The following CRISP2 variants were observed in gnomAD, a reference collection of about 807,000 sequenced individuals.
CRISP2 encodes cysteine-rich secretory protein 2.
Under a neutral mutation model 31.7 loss-of-function variants are expected in CRISP2, and 29 were observed. The ratio of observed to expected loss-of-function variants is 0.92; its 90% CI spans 0.68 to 1.25. CRISP2 has a LOEUF of 1.25. CRISP2 is among the 50% of genes most tolerant of loss of function. CRISP2 has a pLI of 0.00. For missense variants in CRISP2, 318 were observed against 286.5 expected (o/e 1.11, Z -0.79); for synonymous variants, 111 against 101.4 (o/e 1.09, Z -0.57).
intron 7 of CRISP2, 125 bp downstream of exon 7, chr6:49,698,237 G>T (rs1035491385): frequency 1.9e-5 from 22 of 1,135,270 alleles, no homozygotes; most frequent in Non-Finnish European, 2.6e-5. Flanking sequence ...ACAGCCAAAT[G>T]CCAAGACTGT....
intron 9 of CRISP2, among the ~76,000 whole-genome samples, chr6:49,695,503 C>T (rs72860795): frequency 0.043 from 6,603 of 152,174 alleles, 166 homozygotes; most frequent in Non-Finnish European, 0.059. Flanking sequence ...CTTTAAAATA[C>T]CACTTTTGGT....
intron 4 of CRISP2, among the ~76,000 whole-genome samples, chr6:49,705,692 C>T (rs1766901143): frequency 6.6e-6 from 1 of 152,220 alleles, no homozygotes; most frequent in Non-Finnish European, 1.5e-5. Context: ...TCTGTGGGAA[C>T]TGGGAGTGCC....
the CRISP2 span, among the ~76,000 whole-genome samples, chr6:49,681,436 T>C: frequency 1.3e-5 from 2 of 152,076 alleles, no homozygotes; most frequent in African/African-American, 2.4e-5. Flanking sequence ...AAGCATTTTT[T>C]CAACTAGATT....
intron 4 of CRISP2, among the ~76,000 whole-genome samples, chr6:49,707,076 C>T (rs1331828033): frequency 6.6e-6 from 1 of 152,094 alleles, no homozygotes; most frequent in East Asian, 1.9e-4. Flanking sequence ...TTTCCTGCTT[C>T]TTACACCTTT....
chr6:49,683,512 A>T, the CRISP2 span, among the ~76,000 whole-genome samples: 2 of 149,192 alleles, frequency 1.3e-5, no homozygotes, highest in Admixed American at 1.3e-4. Flanking sequence ...AAAAATACAA[A>T]AATTAGCCGG....
chr6:49,685,271 G>T, the CRISP2 span, among the ~76,000 whole-genome samples: 666 of 152,248 alleles, frequency 4.4e-3, 10 homozygotes, highest in African/African-American at 0.015. Flanking sequence ...TCCGCCCTTT[G>T]GTGTTACACT....
At chr6:49,697,797 G>A (rs550379471) in intron 8 of CRISP2, 63 bp downstream of exon 8, 2 of 1,603,580 alleles carry the variant, frequency 1.2e-6, no homozygotes, top group African/African-American at 2.7e-5. Flanking sequence ...TAAGATATGA[G>A]AATTATTAAA....
chr6:49,677,755 G>A, the CRISP2 span, among the ~76,000 whole-genome samples: 15 of 152,176 alleles, frequency 9.9e-5, no homozygotes, highest in African/African-American at 2.6e-4. Flanking sequence ...CACACAGCAA[G>A]CTTAATAATG....
At position 49,700,705 on chromosome 6, in the gene CRISP2, T is replaced by C; in HGVS notation, c.146A>G (p.Lys49Arg). Reference protein sequence around the residue: ...EIVNKHNELRKAVSPPASNML... With the variant: ...EIVNKHNELRRAVSPPASNML... ...GTTACTGGCAGGTGGAGAGACTGCTTTCCTTAGTTCATTGTGTTTATTTAC... is the reference window on the plus strand; with the variant it reads ...GTTACTGGCAGGTGGAGAGACTGCTCTCCTTAGTTCATTGTGTTTATTTAC... The change falls in exon 5 of 10, where the codon AAA becomes AGA. Residue 49 changes from lysine to arginine, a missense_variant. By Grantham distance (26) the Lys-to-Arg change is conservative. Coordinates refer to ENST00000339139, the MANE Select transcript of CRISP2 (RefSeq NM_003296.4). 1 of 1,612,544 alleles carries C rather than the reference T, an allele frequency of 6.2e-7. No individual in the cohort carries two copies. The highest frequency in any genetic ancestry group is 8.5e-7 in the Non-Finnish European group (1 of 1,178,956).
At position 49,697,861 on chromosome 6, in the gene CRISP2, C is replaced by T; in HGVS notation, c.514G>A (p.Ala172Thr). The change falls in exon 8 of 10, where the codon GCT (alanine) becomes ACT (threonine). Residue 172 changes from alanine (A) to threonine (T), a missense_variant and splice_region_variant. Ala to Thr is a moderately conservative substitution (Grantham distance 58, BLOSUM62 0). Coordinates refer to ENST00000339139, the MANE Select transcript of CRISP2 (RefSeq NM_003296.4). ...TTAAACTCTAAACAGTCTACTTACG[C>T]AGGACAATATTGGCAAACATAGTAG... Reference protein sequence around the residue: ...KYYYVCQYCPAGNNMNRKNTP... With the variant: ...KYYYVCQYCPTGNNMNRKNTP... 6.2e-7 allele frequency: 1 copy of T among 1,611,188 alleles called. No homozygotes were observed. The highest frequency in any genetic ancestry group is 1.1e-5 in the South Asian group (1 of 90,814).
chr6:49,708,887 C>T (rs1226722503), intron 4 of CRISP2, among the ~76,000 whole-genome samples: 1 of 152,072 alleles, frequency 6.6e-6, no homozygotes, highest in Non-Finnish European at 1.5e-5. Flanking sequence ...TACATTTTGC[C>T]TGTTCAAACC....
the CRISP2 span, among the ~76,000 whole-genome samples, chr6:49,684,629 C>T: frequency 6.6e-6 from 1 of 152,096 alleles, no homozygotes; most frequent in Admixed American, 6.5e-5. Context: ...ATCTTACATA[C>T]TTAACTTAAA....
intron 4 of CRISP2, among the ~76,000 whole-genome samples, chr6:49,701,875 G>GTATTATA (rs1158861905): frequency 1.1e-5 from 1 of 90,656 alleles, no homozygotes; most frequent in Non-Finnish European, 2.0e-5. Flanking sequence ...TATATATTAT[G>GTATTATA]TATTATATAT....
chr6:49,687,043 G>A, the CRISP2 span, among the ~76,000 whole-genome samples: 3 of 151,996 alleles, frequency 2.0e-5, no homozygotes, highest in Non-Finnish European at 4.4e-5. Context: ...CACACACCAG[G>A]GATGGTTGTG....
the CRISP2 span, among the ~76,000 whole-genome samples, chr6:49,683,694 AATATATATATATAT>A: frequency 3.2e-4 from 2 of 6,182 alleles, no homozygotes; most frequent in Non-Finnish European, 7.6e-4. Flanking sequence ...AAAAAAAAAA[AATATATATATATAT>A]ATATATATAT....
At chr6:49,704,957 G>T (rs1343499219) in intron 4 of CRISP2, among the ~76,000 whole-genome samples, 2 of 152,132 alleles carry the variant, frequency 1.3e-5, no homozygotes, top group Admixed American at 1.3e-4. Context: ...GTAACAGCTC[G>T]AGTTGGTTTC....
At chr6:49,698,264 C>G (rs1304310513) in intron 7 of CRISP2, 98 bp downstream of exon 7, 1 of 1,376,252 alleles carries the variant, frequency 7.3e-7, no homozygotes, top group East Asian at 2.3e-5. Flanking sequence ...CCCACTCGGA[C>G]TGTTCTCCTA....
At chr6:49,711,368 C>T (rs189155925) in intron 2 of CRISP2, 47 bp from the exon 3 acceptor site, 1 of 152,150 alleles carries the variant, frequency 6.6e-6, no homozygotes, top group African/African-American at 2.4e-5. Context: ...ATATATATTA[C>T]ACATATTCCT....
At position 49,692,434 on chromosome 6, in the gene CRISP2, C is replaced by T. The variant is rs558085936; in HGVS notation, c.*339G>A. 1.6e-3 allele frequency: 276 copies of T among 168,282 alleles called. 1 individual carries two copies. The highest frequency in any genetic ancestry group is 3.2e-3 in the South Asian group (16 of 5,066). 10.4% of individuals were successfully genotyped at this position (168,282 alleles called of 1,614,324 possible). A position where few individuals can be genotyped will look rare whatever the true frequency, so the allele number is the denominator to read the frequency against. On this transcript the variant is annotated 3_prime_UTR_variant, in exon 10 of 10. Transcript: ENST00000339139. ...GTAGGAATGGCAATGATGTTACAGTCTTCTTCTTTAGCATGTTTCAGGAAA... is the reference window on the plus strand; with the variant it reads ...GTAGGAATGGCAATGATGTTACAGTTTTCTTCTTTAGCATGTTTCAGGAAA...
Sources: gnomAD v4.1 joint callset for allele counts (sites outside exome capture counted in the v4.1 genomes callset) on GRCh38, gnomAD v4.1.1 for gene constraint, MANE v1.5 for transcripts, NCBI Gene and HGNC (gene_info 2026-07-23, HGNC 2026-07-21) for gene names.